DDX47: variants seen among roughly 807,000 people sequenced by gnomAD.
The protein encoded by DDX47 is DEAD-box helicase 47.
Under a neutral mutation model 58.8 loss-of-function variants are expected in DDX47, and 60 were observed. The observed-to-expected ratio is 1.02, with a 90% confidence interval of 0.83 to 1.26. The LOEUF (loss-of-function observed/expected upper bound fraction) is 1.26. Among genes scored for constraint, DDX47 ranks in the 50% most tolerant of loss-of-function variants. DDX47 has a pLI of 0.00. For missense variants in DDX47, 530 were observed against 573.2 expected (o/e 0.92, Z 0.77); for synonymous variants, 197 against 204.6 (o/e 0.96, Z 0.32).
chr12:12,826,151 C>A, intron 10 of DDX47, 81 bp downstream of exon 10: 1 of 1,109,286 alleles, frequency 9.0e-7, no homozygotes, highest in Non-Finnish European at 1.3e-6. Context: ...CCTGACACTA[C>A]CATTTACTAC....
In DDX47 at chr12:12,822,017, G is replaced by A. The variant is rs2033708408; in HGVS notation, c.495G>A (p.Leu165=). 1 of 1,613,602 alleles carries A rather than the reference G, an allele frequency of 6.2e-7. No homozygotes were observed. Among genetic ancestry groups the A allele is most frequent in the Non-Finnish European group, 8.5e-7 (1 of 1,179,932 alleles). Residue 165 remains leucine, a synonymous_variant, in exon 5 of 12, where the codon TTG becomes TTA. Transcript: ENST00000358007. ...TGGAAAATACGAAAGGTTTCAACTT[G>A]AGAGCTCTCAAATACTTGGTCATGG... ...DHLENTKGFN[L]RALKYLVMDE...
rs756098025 is a variant in DDX47 at position 12,822,054 on chromosome 12, C to G, written c.532C>G (p.Arg178Gly). Residue 178 changes from arginine to glycine, a missense_variant, in exon 5 of 12, where the codon CGA becomes GGA. By Grantham distance (125) the Arg-to-Gly change is moderately radical. Coordinates refer to ENST00000358007, the MANE Select transcript of DDX47 (RefSeq NM_016355.4). ...LKYLVMDEAD[R>G]ILNMDFETEV... The stretch of plus-strand genomic sequence containing the variant: ...ATACTTGGTCATGGATGAAGCCGAC[C>G]GAATACTGAATATGGATTTTGAGAC... 6.2e-7 allele frequency: 1 copy of G among 1,613,146 alleles called. No homozygotes were observed. Among genetic ancestry groups the G allele is most frequent in the South Asian group, 1.1e-5 (1 of 91,046 alleles).
At chr12:12,817,215 G>A (rs186925982) in intron 2 of DDX47, among the ~76,000 whole-genome samples, 52 of 152,288 alleles carry the variant, frequency 3.4e-4, no homozygotes, top group Admixed American at 7.8e-4. Flanking sequence ...CAGATTGTCC[G>A]CTGTTCTTAA....
chr12:12,829,051 GACATAC>G (rs1863093989), intron 11 of DDX47, among the ~76,000 whole-genome samples: 1 of 152,080 alleles, frequency 6.6e-6, no homozygotes, highest in Non-Finnish European at 1.5e-5. Context: ...TGGGCCAAGG[GACATAC>G]ACAGTTAAAA....
In DDX47 at chr12:12,813,442, A is replaced by G; in HGVS notation, c.75A>G (p.Thr25=). The G allele has an allele frequency of 1.2e-6, 2 of 1,611,040 alleles. No individual in the cohort carries two copies. The highest frequency in any genetic ancestry group is 1.7e-6 in the Non-Finnish European group (2 of 1,178,580). Residue 25 remains threonine, a synonymous_variant, in exon 1 of 12, where the codon ACA becomes ACG. Transcript: ENST00000358007. ...QPIVEEEETK[T]FKDLGVTDVL... ...TTGTGGAAGAGGAGGAAACTAAAAC[A>G]TTTAAAGACCTGGTGAGAATGGATG...
intron 2 of DDX47, among the ~76,000 whole-genome samples, chr12:12,819,102 G>A (rs535539632): frequency 2.6e-5 from 4 of 152,278 alleles, no homozygotes; most frequent in East Asian, 1.9e-4. Flanking sequence ...GACATTGAAC[G>A]CCACTGATCA....
At position 12,829,592 on chromosome 12, in the gene DDX47, AAG is replaced by A. The variant is rs1199741154; in HGVS notation, c.*42_*43del. 2.6e-5 allele frequency: 42 copies of A among 1,603,152 alleles called. No individual in the cohort carries two copies. Among genetic ancestry groups the A allele is most frequent in the Non-Finnish European group, 3.5e-5 (41 of 1,175,622 alleles). On this transcript the variant is annotated 3_prime_UTR_variant, in exon 12 of 12. Transcript: ENST00000358007. The stretch of plus-strand genomic sequence containing the variant: ...AGGCTCGAGTTCTGCTGTTCTGTAA[AAG>A]AGAATTGGAGAATGAAACCTGCTCC...
At chr12:12,824,123 C>T (rs1863015181) in intron 8 of DDX47, 107 bp downstream of exon 8, 2 of 1,346,210 alleles carry the variant, frequency 1.5e-6, no homozygotes, top group Middle Eastern at 1.9e-4. Flanking sequence ...TGCCTGTTTC[C>T]ATAATTGTTG....
At chr12:12,818,794 G>A (rs1227805296) in intron 2 of DDX47, among the ~76,000 whole-genome samples, 3 of 152,106 alleles carry the variant, frequency 2.0e-5, no homozygotes, top group Admixed American at 6.5e-5. Flanking sequence ...ACGTGGTGGC[G>A]GCAAGAGAAA....
At position 12,829,528 on chromosome 12, in the gene DDX47, A is replaced by G. The variant is rs1467674748; in HGVS notation, c.1342A>G (p.Lys448Glu). 1.2e-6 allele frequency: 2 copies of G among 1,613,904 alleles called. No individual in the cohort carries two copies. The highest frequency in any genetic ancestry group is 1.7e-6 in the Non-Finnish European group (2 of 1,179,890). ...IGVRNKVAGG[K>E]MKKRKGR is the part of the protein sequence containing the mutation. Reference sequence around the variant, plus strand: ...TGTCAGGAACAAGGTGGCTGGAGGAAAAATGAAGAAGCGGAAAGGCCGTTA... The same window carrying G: ...TGTCAGGAACAAGGTGGCTGGAGGAGAAATGAAGAAGCGGAAAGGCCGTTA... Residue 448 changes from lysine (K) to glutamate (E), a missense_variant, in exon 12 of 12, where the codon AAA (lysine) becomes GAA (glutamate). Transcript: ENST00000358007.
At chr12:12,814,920 A>T (rs1024285200) in intron 2 of DDX47, among the ~76,000 whole-genome samples, 1 of 152,226 alleles carries the variant, frequency 6.6e-6, no homozygotes, top group African/African-American at 2.4e-5. Flanking sequence ...CAAGTGATCT[A>T]CCTGCCTTGG....
intron 10 of DDX47, among the ~76,000 whole-genome samples, chr12:12,826,938 A>G (rs561465051): frequency 6.6e-6 from 1 of 151,234 alleles, no homozygotes; most frequent in East Asian, 2.0e-4. Flanking sequence ...TTAATTTTTT[A>G]TAGAGATGGC....
chr12:12,822,125 G>A (rs773547946), intron 5 of DDX47, 42 bp downstream of exon 5: 33 of 1,448,758 alleles, frequency 2.3e-5, no homozygotes, highest in South Asian at 2.3e-5. Context: ...GCATCTCAAG[G>A]TTCCTGTTTC....
intron 2 of DDX47, among the ~76,000 whole-genome samples, chr12:12,818,026 C>T (rs966850882): frequency 6.6e-6 from 1 of 152,340 alleles, no homozygotes; most frequent in African/African-American, 2.4e-5. Flanking sequence ...TATTGTGTTA[C>T]ACAGGCTGGG....
At position 12,821,296 on chromosome 12, in the gene DDX47, G is replaced by A. The variant is rs755971771; in HGVS notation, c.270G>A (p.Pro90=). 2.4e-5 allele frequency: 39 copies of A among 1,614,028 alleles called. No homozygotes were observed. In the East Asian group the frequency reaches 4.5e-4, roughly 18 times the overall value. The change falls in exon 3 of 12, where the codon CCG becomes CCA. Residue 90 remains proline, a synonymous_variant. Coordinates refer to ENST00000358007, the MANE Select transcript of DDX47 (RefSeq NM_016355.4). Reference sequence around the variant, plus strand: ...TTCTAAACGCACTGCTGGAGACCCCGCAGCGTTTGTTTGCCCTAGTTCTTA... The same window carrying A: ...TTCTAAACGCACTGCTGGAGACCCCACAGCGTTTGTTTGCCCTAGTTCTTA... The part of the protein sequence containing the change: ...LPILNALLET[P]QRLFALVLTP...
rs377764365 is a variant in DDX47 at position 12,824,594 on chromosome 12, C to A, written c.952C>A (p.Leu318Ile). The change falls in exon 9 of 12, where the codon CTA (leucine) becomes ATA (isoleucine). Residue 318 changes from leucine (L) to isoleucine (I), a missense_variant. Coordinates refer to ENST00000358007, the MANE Select transcript of DDX47 (RefSeq NM_016355.4). The stretch of plus-strand genomic sequence containing the variant: ...TAAGGCCAAGGCCCGTTCCATTCTT[C>A]TAGCAACTGACGTTGCCAGCCGAGG... ...KFKAKARSIL[L>I]ATDVASRGLD... The A allele has an allele frequency of 7.4e-6, 12 of 1,614,072 alleles. No homozygotes were observed. The African/African-American group carries it at 1.6e-4, about 22-fold the overall frequency.
chr12:12,820,865 C>T (rs1236633159), intron 2 of DDX47: 1 of 293,888 alleles, frequency 3.4e-6, no homozygotes, highest in Non-Finnish European at 6.5e-6. Flanking sequence ...TTCTTCCCTT[C>T]TTTGCTTACT....
chr12:12,818,337 C>G (rs982984949), intron 2 of DDX47, among the ~76,000 whole-genome samples: 1 of 152,060 alleles, frequency 6.6e-6, no homozygotes, highest in Admixed American at 6.6e-5. Flanking sequence ...CCAGCTAACA[C>G]GGTGAAACCC....
At chr12:12,819,501 C>T (rs1862939802) in intron 2 of DDX47, among the ~76,000 whole-genome samples, 1 of 152,170 alleles carries the variant, frequency 6.6e-6, no homozygotes, top group South Asian at 2.1e-4. Flanking sequence ...TGGTAGGATA[C>T]TCATGGCTCC....
Sources: gnomAD v4.1 joint callset for allele counts (sites outside exome capture counted in the v4.1 genomes callset) on GRCh38, gnomAD v4.1.1 for gene constraint, MANE v1.5 for transcripts, NCBI Gene and HGNC (gene_info 2026-07-23, HGNC 2026-07-21) for gene names.